ANKRD30A: variants seen among roughly 807,000 people sequenced by gnomAD.
ANKRD30A encodes the protein ankyrin repeat domain-containing protein 30A.
ANKRD30A carries 170 observed loss-of-function variants against 166.3 expected under a neutral mutation model. The observed-to-expected ratio is 1.02, with a 90% CI of 0.90 to 1.16. The LOEUF (loss-of-function observed/expected upper bound fraction) is 1.16. ANKRD30A is among the 50% of genes most tolerant of loss of function. The pLI is 0.00. For synonymous variants in ANKRD30A, 564 were observed against 508.9 expected (o/e 1.11, Z -1.46); for missense variants, 1,630 against 1,518.0 (o/e 1.07, Z -1.23).
At chr10:37,155,334 A>G (rs563779328) in intron 13 of ANKRD30A, among the ~76,000 whole-genome samples, 1 of 152,314 alleles carries the variant, frequency 6.6e-6, no homozygotes, top group Admixed American at 6.5e-5. Context: ...AAATGTTGGC[A>G]TACTATTATA....
intron 21 of ANKRD30A, among the ~76,000 whole-genome samples, chr10:37,171,714 G>A: frequency 1.3e-5 from 2 of 151,232 alleles, no homozygotes; most frequent in Middle Eastern, 6.8e-3. Flanking sequence ...TTTTTAAAAA[G>A]ATATAAATCA....
chr10:37,131,782 A>G (rs1359919294), intron 3 of ANKRD30A, among the ~76,000 whole-genome samples: 1 of 152,242 alleles, frequency 6.6e-6, no homozygotes, highest in East Asian at 1.9e-4. Context: ...TCACAGTTTT[A>G]TAATATTTCT....
intron 31 of ANKRD30A, among the ~76,000 whole-genome samples, chr10:37,203,365 A>G (rs960068283): frequency 1.4e-4 from 22 of 152,244 alleles, no homozygotes; most frequent in Non-Finnish European, 3.1e-4. Context: ...CATCATATAA[A>G]CAGAACCAAA....
chr10:37,158,270 A>G (rs576184965), intron 13 of ANKRD30A, 122 bp from the exon 14 acceptor site: 3 of 1,423,846 alleles, frequency 2.1e-6, no homozygotes, highest in Admixed American at 2.1e-5. Flanking sequence ...ACCCCAAAAC[A>G]TAGTGTAATC....
At chr10:37,235,175 C>T (rs1480127028), downstream of ANKRD30A, among the ~76,000 whole-genome samples, 1 of 152,106 alleles carries the variant, frequency 6.6e-6, no homozygotes, top group Non-Finnish European at 1.5e-5. Flanking sequence ...AATGCAAATT[C>T]CTCATTTTAT....
intron 31 of ANKRD30A, among the ~76,000 whole-genome samples, chr10:37,212,184 A>T (rs191149367): frequency 3.5e-4 from 54 of 152,132 alleles, no homozygotes; most frequent in African/African-American, 1.3e-3. Flanking sequence ...CAGGATACAA[A>T]ATCAATGTGC....
intron 34 of ANKRD30A, among the ~76,000 whole-genome samples, chr10:37,225,140 TA>T (rs1347388297): frequency 6.6e-6 from 1 of 151,034 alleles, no homozygotes; most frequent in East Asian, 2.0e-4. Context: ...TAAATATTAA[TA>T]GTTTATATAT....
intron 24 of ANKRD30A, among the ~76,000 whole-genome samples, chr10:37,179,065 GA>G (rs1839989904): frequency 6.1e-3 from 427 of 69,438 alleles, no homozygotes; most frequent in African/African-American, 0.023. Flanking sequence ...TATATATATA[GA>G]TGTGTGCATG....
chr10:37,207,745 C>A (rs1175664250), intron 31 of ANKRD30A, among the ~76,000 whole-genome samples: 1 of 151,696 alleles, frequency 6.6e-6, no homozygotes, highest in Non-Finnish European at 1.5e-5. Context: ...AAAATATATT[C>A]AATAAAGTGT....
chr10:37,217,427 A>G (rs1341300167), intron 32 of ANKRD30A, among the ~76,000 whole-genome samples: 1 of 151,022 alleles, frequency 6.6e-6, no homozygotes, highest in Non-Finnish European at 1.5e-5. Context: ...TTTACTGGAT[A>G]GCTTCCAATA....
chr10:37,254,874 G>C, the ANKRD30A span, among the ~76,000 whole-genome samples: 1 of 151,766 alleles, frequency 6.6e-6, no homozygotes, highest in Admixed American at 6.6e-5. Context: ...AGTAGAGACG[G>C]GGCTTCACCG....
chr10:37,222,958 T>A (rs1842962291), intron 34 of ANKRD30A, among the ~76,000 whole-genome samples: 1 of 151,522 alleles, frequency 6.6e-6, no homozygotes, highest in South Asian at 2.1e-4. Flanking sequence ...TTACCAGTTG[T>A]TACAATTAAA....
At chr10:37,194,280 G>A (rs1202841301) in intron 27 of ANKRD30A, among the ~76,000 whole-genome samples, 2 of 152,088 alleles carry the variant, frequency 1.3e-5, no homozygotes, top group Admixed American at 6.6e-5. Context: ...TATAGGCTAT[G>A]TGTAGAATTT....
At chr10:37,128,190 A>C (rs1484504758) in intron 1 of ANKRD30A, among the ~76,000 whole-genome samples, 1 of 152,034 alleles carries the variant, frequency 6.6e-6, no homozygotes, top group Non-Finnish European at 1.5e-5. Context: ...CAAAATATAA[A>C]ATTTGTTATT....
chr10:37,137,297 A>G (rs1381278255), intron 6 of ANKRD30A, among the ~76,000 whole-genome samples: 2 of 152,196 alleles, frequency 1.3e-5, no homozygotes, highest in African/African-American at 4.8e-5. Context: ...AGCGTGAGCA[A>G]CGCAGAAAGG....
In ANKRD30A at chr10:37,165,147, G is replaced by A; in HGVS notation, c.2056G>A (p.Asp686Asn). The change falls in exon 18 of 36, where the codon GAT (aspartate) becomes AAT (asparagine). Residue 686 changes from aspartate (D) to asparagine (N), a missense_variant. Asp to Asn is a conservative substitution (Grantham distance 23). Transcript: ENST00000361713. ...KQKDYEENSW[D>N]TESLCETVSQ... The stretch of plus-strand genomic sequence containing the variant: ...AAAGGACTATGAAGAAAATTCTTGG[G>A]ATACTGAGGTACTGTGTGTTGTTGA... The A allele has an allele frequency of 6.2e-7, 1 of 1,607,878 alleles. No homozygotes were observed. The highest frequency in any genetic ancestry group is 8.5e-7 in the Non-Finnish European group (1 of 1,174,838).
At chr10:37,201,454 A>C in intron 31 of ANKRD30A, 129 bp downstream of exon 31, 1 of 619,680 alleles carries the variant, frequency 1.6e-6, no homozygotes, top group Non-Finnish European at 2.5e-6. Context: ...AGAGAAGTGC[A>C]ATGGTCATAA....
At chr10:37,198,611 C>T (rs1200893) in intron 29 of ANKRD30A, among the ~76,000 whole-genome samples, 183 of 151,998 alleles carry the variant, frequency 1.2e-3, no homozygotes, top group South Asian at 2.7e-3. Context: ...TGTTGCAACA[C>T]GTTGTATCTC....
chr10:37,202,036 C>T (rs554845894), intron 31 of ANKRD30A, among the ~76,000 whole-genome samples: 1 of 152,172 alleles, frequency 6.6e-6, no homozygotes, highest in East Asian at 1.9e-4. Context: ...TCAGGTGATG[C>T]TGATGCTGGT....
Sources: allele counts gnomAD v4.1 joint callset (sites outside exome capture counted in the v4.1 genomes callset), GRCh38; gene constraint gnomAD v4.1.1; transcripts MANE v1.5; gene names NCBI Gene and HGNC (gene_info 2026-07-23, HGNC 2026-07-21).